Variants in ARMC8 observed in about 807,000 individuals in gnomAD.
ARMC8 encodes the protein armadillo repeat-containing protein 8.
In ARMC8, 20 loss-of-function variants were observed where a neutral mutation model predicts 99.3. The ratio of observed to expected loss-of-function variants is 0.20; its 90% CI spans 0.14 to 0.29. The LOEUF is 0.29. Among genes scored for constraint, ARMC8 ranks in the 10% least tolerant of loss-of-function variants. The pLI, the probability that ARMC8 is intolerant of heterozygous loss-of-function variation, is 1.00. For synonymous variants in ARMC8, 263 were observed against 278.3 expected (o/e 0.95, Z 0.55); for missense variants, 569 against 809.5 (o/e 0.70, Z 3.60).
At position 138,237,511 on chromosome 3, in the gene ARMC8, A is replaced by G. The variant is rs767315148; in HGVS notation, c.715A>G (p.Ile239Val). The G allele has an allele frequency of 1.9e-5, 30 of 1,613,842 alleles. No individual in the cohort carries two copies. The highest frequency in any genetic ancestry group is 2.5e-5 in the Non-Finnish European group (30 of 1,179,984). The change falls in exon 9 of 22, where the codon ATT becomes GTT. Residue 239 changes from isoleucine (I) to valine (V), a missense_variant. Around this residue, in one of 2 missense-constraint regions of ARMC8, gnomAD observed 342 missense variants for 391.6 expected, o/e 0.87. Coordinates refer to ENST00000469044, the MANE Select transcript of ARMC8 (RefSeq NM_001363941.2). ...GGTTGATGGAGAATTGTTACCACAG[A>G]TTTTTGTGAAGATGTTACAGAGGGA... ...VLVDGELLPQ[I>V]FVKMLQRDKP...
intron 10 of ARMC8, among the ~76,000 whole-genome samples, chr3:138,240,023 C>G (rs1373451481): frequency 6.6e-6 from 1 of 151,976 alleles, no homozygotes; most frequent in East Asian, 1.9e-4. Flanking sequence ...TTTAGAAAAA[C>G]CTGGAGAAAA....
At chr3:138,217,401 C>CTTTTTTTTT (rs753393123) in intron 2 of ARMC8, among the ~76,000 whole-genome samples, 1 of 135,938 alleles carries the variant, frequency 7.4e-6, no homozygotes. Context: ...GGTCTAGATC[C>CTTTTTTTTT]TTTTTTTTTT....
At chr3:138,251,832 C>T (rs973393339) in intron 12 of ARMC8, among the ~76,000 whole-genome samples, 4 of 151,920 alleles carry the variant, frequency 2.6e-5, no homozygotes, top group African/African-American at 9.7e-5. Context: ...CTTGCTTAAG[C>T]CATTGAAAGT....
chr3:138,259,293 C>T (rs1330308647), intron 12 of ARMC8, among the ~76,000 whole-genome samples: 1 of 152,172 alleles, frequency 6.6e-6, no homozygotes, highest in Non-Finnish European at 1.5e-5. Flanking sequence ...CCCTGCTGAC[C>T]TGAAAATTTT....
chr3:138,213,684 T>C (rs1559933325), intron 2 of ARMC8, among the ~76,000 whole-genome samples: 1 of 152,206 alleles, frequency 6.6e-6, no homozygotes, highest in Admixed American at 6.5e-5. Context: ...AGGACCTTTT[T>C]TGTGAAGTTA....
intron 1 of ARMC8, among the ~76,000 whole-genome samples, chr3:138,200,537 C>G (rs966743650): frequency 3.9e-5 from 6 of 152,078 alleles, no homozygotes; most frequent in Non-Finnish European, 1.5e-5. Context: ...GGATGTGTGC[C>G]TATTATCCCA....
At chr3:138,234,491 G>A (rs1045029424) in intron 6 of ARMC8, among the ~76,000 whole-genome samples, 7 of 152,204 alleles carry the variant, frequency 4.6e-5, no homozygotes, top group African/African-American at 1.4e-4. Context: ...GTTATGGAGT[G>A]TTGTGTTTCC....
Position 138,255,215 on chromosome 3 carries a change from T to G in ARMC8, c.1135-8524T>G, listed in dbSNP as rs370811450. Among the ~76,000 whole-genome samples the G allele has an allele frequency of 5.4e-3, 807 of 148,320 alleles. 8 individuals are homozygous for G. Among genetic ancestry groups the G allele is most frequent in the African/African-American group, 0.019 (756 of 40,384 alleles). On this transcript the variant is annotated intron_variant, in intron 12 of 21. Transcript: ENST00000469044. ...TGTTTTTTTTTTTTTTGTTTTTTTT[T>G]TTTTTGAGATGGAGTCTCGCTCTGT...
chr3:138,272,862 A>C, intron 16 of ARMC8, 105 bp from the exon 17 acceptor site: 1 of 1,038,114 alleles, frequency 9.6e-7, no homozygotes, highest in Non-Finnish European at 1.3e-6. Flanking sequence ...ACAGAGCAAG[A>C]CTCTGTCTCA....
intron 1 of ARMC8, among the ~76,000 whole-genome samples, chr3:138,196,217 C>T (rs1418696726): frequency 6.6e-6 from 1 of 152,150 alleles, no homozygotes; most frequent in African/African-American, 2.4e-5. Context: ...GCATGATTCA[C>T]AGGATTTATG....
intron 16 of ARMC8, among the ~76,000 whole-genome samples, chr3:138,271,961 A>G (rs1204243472): frequency 1.3e-5 from 2 of 152,126 alleles, no homozygotes; most frequent in Non-Finnish European, 1.5e-5. Context: ...ACACCTGGCT[A>G]TACAAGAGAT....
At chr3:138,250,203 A>G (rs1195359602) in intron 12 of ARMC8, among the ~76,000 whole-genome samples, 3 of 152,212 alleles carry the variant, frequency 2.0e-5, no homozygotes, top group Non-Finnish European at 4.4e-5. Flanking sequence ...GGAAGTTACA[A>G]CTGCAGATCA....
intron 12 of ARMC8, among the ~76,000 whole-genome samples, chr3:138,259,833 G>T (rs2108245678): frequency 6.6e-6 from 1 of 152,308 alleles, no homozygotes; most frequent in East Asian, 1.9e-4. Flanking sequence ...ATGTTACAGT[G>T]ATTGAGCCCT....
chr3:138,295,385 C>A (rs568319497), intron 21 of ARMC8, among the ~76,000 whole-genome samples: 1 of 152,296 alleles, frequency 6.6e-6, no homozygotes, highest in South Asian at 2.1e-4. Context: ...GCTCTTGGCC[C>A]CTTCCATGCA....
intron 6 of ARMC8, among the ~76,000 whole-genome samples, chr3:138,231,782 G>A (rs542137433): frequency 6.7e-6 from 1 of 148,582 alleles, no homozygotes; most frequent in Non-Finnish European, 1.5e-5. Flanking sequence ...CCCATCTCTG[G>A]GGGGGGAAAA....
At chr3:138,215,916 A>C (rs947982710) in intron 2 of ARMC8, among the ~76,000 whole-genome samples, 1 of 151,510 alleles carries the variant, frequency 6.6e-6, no homozygotes, top group Admixed American at 6.6e-5. Flanking sequence ...GCTGGAGTGC[A>C]GTGATGCAAT....
rs375338245 is a variant in ARMC8 at position 138,295,916 on chromosome 3, G to A, written c.*24G>A. On this transcript the variant is annotated 3_prime_UTR_variant, in exon 22 of 22. Transcript: ENST00000469044. ...GATGGGAGTGCCCCTGGGCACCTGCGAGCATCCCACCTCCTTGTTTAAGGA... is the reference window on the plus strand; with the variant it reads ...GATGGGAGTGCCCCTGGGCACCTGCAAGCATCCCACCTCCTTGTTTAAGGA... 6.8e-6 allele frequency: 11 copies of A among 1,612,228 alleles called. No homozygotes were observed. The highest frequency in any genetic ancestry group is 2.2e-5 in the East Asian group (1 of 44,764).
chr3:138,291,510 A>T (rs2050950377), intron 21 of ARMC8, among the ~76,000 whole-genome samples: 2 of 152,196 alleles, frequency 1.3e-5, no homozygotes, highest in Admixed American at 1.3e-4. Context: ...TATAATGGTG[A>T]ATAAAATTGA....
At chr3:138,190,376 TC>T (rs1485212131) in intron 1 of ARMC8, among the ~76,000 whole-genome samples, 2 of 141,488 alleles carry the variant, frequency 1.4e-5, no homozygotes, top group African/African-American at 5.3e-5. Context: ...AACCACCGCC[TC>T]CGGGGTTCAA....
Sources: gnomAD v4.1 joint callset for allele counts (sites outside exome capture counted in the v4.1 genomes callset) on GRCh38, gnomAD v4.1.1 for gene constraint, gnomAD v4.1.1 regional missense constraint, MANE v1.5 for transcripts, NCBI Gene and HGNC (gene_info 2026-07-23, HGNC 2026-07-21) for gene names.